RET: variants seen among roughly 807,000 people sequenced by gnomAD.
The protein encoded by RET is ret proto-oncogene, also known as proto-oncogene tyrosine-protein kinase receptor Ret.
A neutral mutation model predicts 118.3 loss-of-function variants in RET; 19 were observed. The ratio of observed to expected loss-of-function variants is 0.16; its 90% CI spans 0.11 to 0.24. The LOEUF is 0.24. RET is among the 10% of genes least tolerant of loss of function. The probability of loss-of-function intolerance (pLI) is 1.00; values close to 1 mark genes in which losing one functional copy is unlikely to be tolerated. For missense variants in RET, 1,219 were observed against 1,502.1 expected (o/e 0.81, Z 3.12); for synonymous variants, 597 against 644.1 (o/e 0.93, Z 1.11).
Position 43,113,615 on chromosome 10 carries a change from G to C in RET, c.1819G>C (p.Gly607Arg). Residue 607 changes from glycine (G) to arginine (R), a missense_variant, in exon 10 of 20, where the codon GGC becomes CGC. Gly to Arg is a moderately radical substitution (Grantham distance 125, BLOSUM62 -2). Around this residue, in one of 5 missense-constraint regions of RET, gnomAD observed 850 missense variants for 969.6 expected, o/e 0.88. Coordinates refer to ENST00000355710, the MANE Select transcript of RET (RefSeq NM_020975.6). ...GEPRGIKAGY[G>R]TCNCFPEEEK... ...GCCCCGGGGGATTAAAGCTGGCTAT[G>C]GCACCTGCAACTGCTTCCCTGAGGA... The C allele has an allele frequency of 6.2e-7, 1 of 1,613,166 alleles. No individual in the cohort carries two copies. Among genetic ancestry groups the C allele is most frequent in the Non-Finnish European group, 8.5e-7 (1 of 1,179,770 alleles).
Position 43,106,608 on chromosome 10 carries a change from C to T in RET, c.1063+37C>T, listed in dbSNP as rs963944287. The stretch of plus-strand genomic sequence containing the variant: ...TGGTGGCACGGCCTGGCTAGGCCCC[C>T]AGGAAATGAGGTGCTCGCTCTTCAT... On this transcript the variant is annotated intron_variant, in intron 5 of 19. Coordinates refer to ENST00000355710, the MANE Select transcript of RET (RefSeq NM_020975.6). The surrounding 1 kb of genome is among the most constrained non-coding windows in gnomAD (Gnocchi z 5.1). The T allele has an allele frequency of 1.9e-6, 3 of 1,601,146 alleles. No homozygotes were observed. Among genetic ancestry groups the T allele is most frequent in the African/African-American group, 1.3e-5 (1 of 74,618 alleles).
At chr10:43,105,648 G>A (rs1837755332) in intron 4 of RET, among the ~76,000 whole-genome samples, 1 of 152,202 alleles carries the variant, frequency 6.6e-6, no homozygotes, top group African/African-American at 2.4e-5. Flanking sequence ...GGTGGAGCGC[G>A]ACCGCCACCT....
intron 1 of RET, among the ~76,000 whole-genome samples, chr10:43,091,644 A>C (rs1386812607): frequency 2.0e-5 from 3 of 150,092 alleles, no homozygotes; most frequent in South Asian, 2.1e-4. Context: ...AAAAAAAAAA[A>C]CCCAACAACA....
Position 43,120,063 on chromosome 10 carries a change from T to C in RET, c.2608-18T>C, listed in dbSNP as rs2132957720. On this transcript the variant is annotated intron_variant, in intron 14 of 19. Transcript: ENST00000355710. ...TGCCTGGCCATGGCCTGACGACTCG[T>C]GCTATTTTTCCTCACAGCTCGTTCA... The C allele has an allele frequency of 6.2e-7, 1 of 1,613,172 alleles. No individual in the cohort carries two copies. The highest frequency in any genetic ancestry group is 8.5e-7 in the Non-Finnish European group (1 of 1,179,772).
chr10:43,105,230 T>C (rs1448380860), intron 4 of RET, 37 bp downstream of exon 4: 1 of 1,611,884 alleles, frequency 6.2e-7, no homozygotes, highest in Non-Finnish European at 8.5e-7. Context: ...ACCCAGTGTC[T>C]GTCTCCGGCC....
At chr10:43,120,244 C>T (rs1320786700) in intron 15 of RET, 41 bp downstream of exon 15, 1 of 1,609,490 alleles carries the variant, frequency 6.2e-7, no homozygotes, top group Non-Finnish European at 8.5e-7. Context: ...CCAGGGATCC[C>T]AGGTGCACCA....
At chr10:43,095,040 G>T (rs1837493894) in intron 1 of RET, among the ~76,000 whole-genome samples, 1 of 152,130 alleles carries the variant, frequency 6.6e-6, no homozygotes, top group Non-Finnish European at 1.5e-5. Flanking sequence ...GGTGGGGAGA[G>T]CTCTGTGGGG....
Position 43,106,549 on chromosome 10 carries a change from G to T in RET, c.1041G>T (p.Val347=), listed in dbSNP as rs1191152389. 4 of 1,613,652 alleles carry T rather than the reference G, an allele frequency of 2.5e-6. No homozygotes were observed. Among genetic ancestry groups the T allele is most frequent in the Non-Finnish European group, 3.4e-6 (4 of 1,179,768 alleles). The part of the protein sequence containing the change: ...ETSVQANGSF[V]RATVHDYRLV... ...CGGTCCAGGCCAACGGCAGCTTCGTGCGGGCGACCGTACATGACTATAGTA... is the reference window on the plus strand; with the variant it reads ...CGGTCCAGGCCAACGGCAGCTTCGTTCGGGCGACCGTACATGACTATAGTA... The change falls in exon 5 of 20, where the codon GTG becomes GTT. Residue 347 remains valine (V), a synonymous_variant. Transcript: ENST00000355710. The surrounding 1 kb of genome is among the most constrained non-coding windows in gnomAD (Gnocchi z 5.1).
intron 11 of RET, among the ~76,000 whole-genome samples, chr10:43,116,023 G>T (rs566529500): frequency 7.0e-4 from 107 of 152,328 alleles, no homozygotes; most frequent in African/African-American, 2.4e-3. Context: ...AGTACTGGGG[G>T]CCAGGGTGGG....
chr10:43,090,736 G>A (rs1420721179), intron 1 of RET, among the ~76,000 whole-genome samples: 1 of 150,664 alleles, frequency 6.6e-6, no homozygotes, highest in Admixed American at 6.6e-5. Context: ...CCTTTTTTGC[G>A]CACCCAGGCG....
In RET at chr10:43,105,057, C is replaced by T. The variant is rs145970248; in HGVS notation, c.731C>T (p.Thr244Ile). The change falls in exon 4 of 20, where the codon ACC (threonine) becomes ATC (isoleucine). Residue 244 changes from threonine to isoleucine, a missense_variant. Physicochemically the swap from Thr to Ile is moderately conservative, Grantham distance 89 (BLOSUM62 -1). Transcript: ENST00000355710. ...AAGTACGAGCTGGTGGCCGTGTGCA[C>T]CGTGCACGCCGGCGCGCGCGAGGAG... ...REKYELVAVC[T>I]VHAGAREEVV... 4.4e-5 allele frequency: 71 copies of T among 1,609,216 alleles called. No individual in the cohort carries two copies. The highest frequency in any genetic ancestry group is 5.8e-5 in the Non-Finnish European group (69 of 1,179,560).
intron 2 of RET, 89 bp downstream of exon 2, chr10:43,100,811 G>T: frequency 2.8e-6 from 4 of 1,408,706 alleles, no homozygotes; most frequent in Non-Finnish European, 3.9e-6. Flanking sequence ...CTGAAGCTTG[G>T]CATGGCTTCC....
In RET at chr10:43,091,546, G is replaced by A. The variant is rs143763727; in HGVS notation, c.74-8913G>A. ...CTTGGGAGGCTGAGGCAGGAGAATCGCTTGAACTCAGGAGACAGAGGTTGC... is the reference window on the plus strand; with the variant it reads ...CTTGGGAGGCTGAGGCAGGAGAATCACTTGAACTCAGGAGACAGAGGTTGC... On this transcript the variant is annotated intron_variant, in intron 1 of 19. Transcript: ENST00000355710. Among the ~76,000 whole-genome samples the A allele has an allele frequency of 3.4e-3, 520 of 151,470 alleles. 2 individuals carry two copies. The highest frequency in any genetic ancestry group is 0.012 in the African/African-American group (483 of 41,254).
At position 43,102,472 on chromosome 10, in the gene RET, C is replaced by T. The variant is rs141290380; in HGVS notation, c.468C>T (p.Ala156=). The T allele has an allele frequency of 3.1e-4, 495 of 1,614,254 alleles. 1 individual carries two copies. In the African/African-American group the frequency reaches 5.7e-3, roughly 19 times the overall value. ...CCTTCTTCAACACCTCCTTTCCAGC[C>T]TGCAGCTCCCTCAAGCCCCGGGAGC... ...YFSFFNTSFP[A]CSSLKPRELC... is the part of the protein sequence containing the mutation. Residue 156 remains alanine (A), a synonymous_variant, in exon 3 of 20, where the codon GCC becomes GCT. Coordinates refer to ENST00000355710, the MANE Select transcript of RET (RefSeq NM_020975.6).
intron 1 of RET, among the ~76,000 whole-genome samples, chr10:43,092,146 T>C (rs1837424803): frequency 6.6e-6 from 1 of 152,224 alleles, no homozygotes; most frequent in Non-Finnish European, 1.5e-5. Flanking sequence ...AATGGAATAT[T>C]ACTTGGCTTT....
chr10:43,111,370 C>G lies in RET; in HGVS notation c.1427C>G (p.Pro476Arg), dbSNP rs762335805. ...AATGACACCAAGGCCCTGCGGCGGCCCAAGTGTGCCGAACTTCACTACATG... is the reference window on the plus strand; with the variant it reads ...AATGACACCAAGGCCCTGCGGCGGCGCAAGTGTGCCGAACTTCACTACATG... The part of the protein sequence containing the change: ...FVNDTKALRR[P>R]KCAELHYMVV... The change falls in exon 7 of 20, where the codon CCC becomes CGC. Residue 476 changes from proline (P) to arginine (R), a missense_variant. Pro to Arg is a moderately radical substitution (Grantham distance 103). This residue lies in a region of RET where 850 missense variants were observed against 969.6 expected (regional missense o/e 0.88). Transcript: ENST00000355710. 7 of 1,614,026 alleles carry G rather than the reference C, an allele frequency of 4.3e-6. No individual in the cohort carries two copies. The highest frequency in any genetic ancestry group is 5.9e-6 in the Non-Finnish European group (7 of 1,180,040).
chr10:43,081,632 G>A (rs1212244630), intron 1 of RET, among the ~76,000 whole-genome samples: 1 of 152,178 alleles, frequency 6.6e-6, no homozygotes. Context: ...CATGGGGTAG[G>A]GGAGCACCCC....
At position 43,114,663 on chromosome 10, in the gene RET, C is replaced by A. The variant is rs1588874330; in HGVS notation, c.2063C>A (p.Ser688Tyr). ...RPAQAFPVSY[S>Y]SSGARRPSLD... ...GCCCAGGCCTTCCCGGTCAGCTACT[C>A]CTCTTCCGGTGCCCGCCGGCCCTCG... The change falls in exon 11 of 20, where the codon TCC becomes TAC. Residue 688 changes from serine to tyrosine, a missense_variant. Physicochemically the swap from Ser to Tyr is moderately radical, Grantham distance 144 (BLOSUM62 -2). This residue lies in a region of RET where 850 missense variants were observed against 969.6 expected (regional missense o/e 0.88). Transcript: ENST00000355710. This position sits in a 1 kb window ranked among gnomAD's most constrained non-coding sequence, Gnocchi z 4.6. The A allele has an allele frequency of 1.2e-6, 2 of 1,613,034 alleles. No individual in the cohort carries two copies. Among genetic ancestry groups the A allele is most frequent in the Non-Finnish European group, 1.7e-6 (2 of 1,180,002 alleles).
At chr10:43,126,084 C>T (rs1325621599) in intron 18 of RET, among the ~76,000 whole-genome samples, 2 of 152,188 alleles carry the variant, frequency 1.3e-5, no homozygotes, top group Non-Finnish European at 2.9e-5. Flanking sequence ...TCAGCCCTGA[C>T]GTGACGTTCT....
Sources: gnomAD v4.1 joint callset for allele counts (sites outside exome capture counted in the v4.1 genomes callset) on GRCh38, gnomAD v4.1.1 for gene constraint, gnomAD v4.1.1 regional missense constraint, Gnocchi (gnomAD v3.1) non-coding constraint, MANE v1.5 for transcripts, NCBI Gene and HGNC (gene_info 2026-07-23, HGNC 2026-07-21) for gene names.